The following CDH20 variants were observed in gnomAD, a reference collection of about 807,000 sequenced individuals.
The protein encoded by CDH20 is cadherin-20.
A neutral mutation model predicts 74.2 loss-of-function variants in CDH20; 29 were observed. That is an observed-to-expected ratio of 0.39 (90% CI 0.29 to 0.53). The LOEUF is 0.53. Ranked by LOEUF, CDH20 falls within the 20% of genes least tolerant of loss-of-function variation. The pLI, the probability that CDH20 is intolerant of heterozygous loss-of-function variation, is 0.69. For missense variants in CDH20, 988 were observed against 1,048.3 expected (o/e 0.94, Z 0.79); for synonymous variants, 469 against 405.4 (o/e 1.16, Z -1.88).
At chr18:61,395,393 T>C (rs1911929890) in intron 1 of CDH20, among the ~76,000 whole-genome samples, 1 of 152,234 alleles carries the variant, frequency 6.6e-6, no homozygotes, top group African/African-American at 2.4e-5. Context: ...TATTATTATG[T>C]GAGTTTTTAG....
intron 6 of CDH20, among the ~76,000 whole-genome samples, chr18:61,525,997 A>G (rs1326580948): frequency 8.6e-6 from 1 of 115,740 alleles, no homozygotes; most frequent in Non-Finnish European, 1.7e-5. Context: ...TTTGGTAGCG[A>G]TGTAGGTCTC....
intron 9 of CDH20, among the ~76,000 whole-genome samples, chr18:61,543,430 G>A (rs375751255): frequency 1.1e-4 from 17 of 152,162 alleles, no homozygotes; most frequent in South Asian, 4.1e-4. Context: ...GGAGGCTGCC[G>A]TTCAATGCCT....
At chr18:61,486,320 A>G (rs114190070) in intron 1 of CDH20, among the ~76,000 whole-genome samples, 337 of 152,266 alleles carry the variant, frequency 2.2e-3, no homozygotes, top group African/African-American at 7.5e-3. Context: ...TTAGAGGAGC[A>G]CTCGAACTAT....
In CDH20 at chr18:61,555,178, C is replaced by T; in HGVS notation, c.*483C>T. The T allele has an allele frequency of 1.0e-6, 1 of 984,038 alleles. No individual in the cohort carries two copies. The highest frequency in any genetic ancestry group is 1.2e-6 in the Non-Finnish European group (1 of 831,708). 61.0% of individuals were successfully genotyped at this position (984,038 alleles called of 1,614,324 possible). On this transcript the variant is annotated 3_prime_UTR_variant, in exon 12 of 12. Coordinates refer to ENST00000262717, the MANE Select transcript of CDH20 (RefSeq NM_031891.4). ...CCAACCCACAAGAAAGAACAAAAAA[C>T]TTGTTACTCAGTGAAATTAACCTAC... is the stretch of plus-strand genomic sequence containing the variant.
intron 1 of CDH20, among the ~76,000 whole-genome samples, chr18:61,345,985 C>A (rs1910104355): frequency 6.6e-6 from 1 of 152,162 alleles, no homozygotes; most frequent in African/African-American, 2.4e-5. Flanking sequence ...GCTGCCAGTA[C>A]CTGGGCCCTG....
Position 61,539,156 on chromosome 18 carries a change from C to T in CDH20, c.1530+11C>T. ...GCCAAGGCAGGACAGGTAAGGTGGCCTGTGGGTGGTGCACTCTGCTTAACC... is the reference window on the plus strand; with the variant it reads ...GCCAAGGCAGGACAGGTAAGGTGGCTTGTGGGTGGTGCACTCTGCTTAACC... On this transcript the variant is annotated intron_variant, in intron 9 of 11. Coordinates refer to ENST00000262717, the MANE Select transcript of CDH20 (RefSeq NM_031891.4). 1 of 1,613,842 alleles carries T rather than the reference C, an allele frequency of 6.2e-7. No individual in the cohort carries two copies. The highest frequency in any genetic ancestry group is 8.5e-7 in the Non-Finnish European group (1 of 1,179,908).
chr18:61,407,638 C>T (rs890157089), intron 1 of CDH20, among the ~76,000 whole-genome samples: 2 of 152,068 alleles, frequency 1.3e-5, no homozygotes, highest in Admixed American at 6.6e-5. Flanking sequence ...ATTTAGCCCC[C>T]GATAGAATGT....
Position 61,539,130 on chromosome 18 carries a change from C to A in CDH20, c.1515C>A (p.Asn505Lys), listed in dbSNP as rs776472532. ...TCTATGAAGCTTTTGTCTGTGAGAA[C>A]GCCAAGGCAGGACAGGTAAGGTGGC... is the stretch of plus-strand genomic sequence containing the variant. ...PRFYEAFVCE[N>K]AKAGQLIQTV... The change falls in exon 9 of 12, where the codon AAC (asparagine) becomes AAA (lysine). Residue 505 changes from asparagine to lysine, a missense_variant. Physicochemically the swap from Asn to Lys is moderately conservative, Grantham distance 94. This residue lies in a region of CDH20 where 613 missense variants were observed against 755.2 expected (regional missense o/e 0.81). Coordinates refer to ENST00000262717, the MANE Select transcript of CDH20 (RefSeq NM_031891.4). 6.2e-7 allele frequency: 1 copy of A among 1,614,070 alleles called. No homozygotes were observed. The highest frequency in any genetic ancestry group is 2.2e-5 in the East Asian group (1 of 44,876).
At chr18:61,453,544 G>A (rs1052221582) in intron 1 of CDH20, among the ~76,000 whole-genome samples, 1 of 152,208 alleles carries the variant, frequency 6.6e-6, no homozygotes, top group South Asian at 2.1e-4. Context: ...CTCCCAAAGT[G>A]CTGAGATTAC....
At chr18:61,506,441 G>A (rs539143078) in intron 5 of CDH20, among the ~76,000 whole-genome samples, 12 of 152,286 alleles carry the variant, frequency 7.9e-5, no homozygotes, top group African/African-American at 2.9e-4. Context: ...TGTGAAACTT[G>A]AGCCCTCACA....
chr18:61,493,956 T>C (rs1450144681), intron 2 of CDH20, among the ~76,000 whole-genome samples: 1 of 152,190 alleles, frequency 6.6e-6, no homozygotes, highest in Non-Finnish European at 1.5e-5. Flanking sequence ...GGCACAGAAC[T>C]GGCCACACAC....
intron 2 of CDH20, among the ~76,000 whole-genome samples, chr18:61,491,791 T>C (rs1215556591): frequency 6.6e-6 from 1 of 151,974 alleles, no homozygotes; most frequent in Non-Finnish European, 1.5e-5. Context: ...CAATCACACC[T>C]CCCAGTCACA....
chr18:61,523,981 A>G (rs1373540070), intron 6 of CDH20, among the ~76,000 whole-genome samples: 1 of 152,106 alleles, frequency 6.6e-6, no homozygotes, highest in Non-Finnish European at 1.5e-5. Context: ...TGATAGGTGC[A>G]GCAAACCACC....
At chr18:61,503,510 T>C (rs1047926036) in intron 5 of CDH20, among the ~76,000 whole-genome samples, 31 of 152,220 alleles carry the variant, frequency 2.0e-4, no homozygotes, top group African/African-American at 7.2e-4. Flanking sequence ...AACCTATTTT[T>C]GCCCCCAGGG....
chr18:61,507,388 G>A lies in CDH20; in HGVS notation c.845G>A (p.Ser282Asn). Residue 282 changes from serine (S) to asparagine (N), a missense_variant, in exon 6 of 12, where the codon AGT becomes AAT. Physicochemically the swap from Ser to Asn is conservative, Grantham distance 46. This residue lies in a region of CDH20 where 613 missense variants were observed against 755.2 expected (regional missense o/e 0.81). Transcript: ENST00000262717. The part of the protein sequence containing the change: ...PRFPQKHYQM[S>N]VLESAPISST... ...TTCTTCGTAGAACATTACCAGATGA[G>A]TGTGTTGGAATCAGCTCCAATTAGC... is the stretch of plus-strand genomic sequence containing the variant. 4 of 1,613,666 alleles carry A rather than the reference G, an allele frequency of 2.5e-6. No individual in the cohort carries two copies. Among genetic ancestry groups the A allele is most frequent in the Non-Finnish European group, 3.4e-6 (4 of 1,179,840 alleles).
intron 10 of CDH20, among the ~76,000 whole-genome samples, chr18:61,545,700 C>T (rs1308452723): frequency 6.6e-6 from 1 of 152,058 alleles, no homozygotes; most frequent in Admixed American, 6.5e-5. Flanking sequence ...GAGATCAAAG[C>T]AGGAAACAGT....
chr18:61,354,715 C>T (rs1336942045), intron 1 of CDH20, among the ~76,000 whole-genome samples: 2 of 152,104 alleles, frequency 1.3e-5, no homozygotes, highest in South Asian at 2.1e-4. Context: ...AAGTAACCCC[C>T]TGTGCATGAA....
At chr18:61,460,174 T>C (rs575183148) in intron 1 of CDH20, among the ~76,000 whole-genome samples, 64 of 152,320 alleles carry the variant, frequency 4.2e-4, no homozygotes, top group African/African-American at 1.5e-3. Context: ...GCATAGAGAC[T>C]GAGCTCACTG....
intron 1 of CDH20, among the ~76,000 whole-genome samples, chr18:61,434,459 A>C (rs1908761144): frequency 6.6e-6 from 1 of 152,162 alleles, no homozygotes; most frequent in Non-Finnish European, 1.5e-5. Context: ...CACCGTAATA[A>C]GTATTTTGCA....
Sources: allele counts gnomAD v4.1 joint callset (sites outside exome capture counted in the v4.1 genomes callset), GRCh38; gene constraint gnomAD v4.1.1; regional missense constraint gnomAD v4.1.1; transcripts MANE v1.5; gene names NCBI Gene and HGNC (gene_info 2026-07-23, HGNC 2026-07-21).